The following ASAP2 variants were observed in gnomAD, a reference collection of about 807,000 sequenced individuals.
ASAP2 encodes ArfGAP with SH3 domain, ankyrin repeat and PH domain 2.
A neutral mutation model predicts 131.4 loss-of-function variants in ASAP2; 45 were observed. The observed-to-expected ratio is 0.34, with a 90% CI of 0.27 to 0.44. The LOEUF is 0.44. ASAP2 is among the 20% of genes least tolerant of loss of function. ASAP2 has a pLI of 1.00. For missense variants in ASAP2, 1,011 were observed against 1,297.0 expected (o/e 0.78, Z 3.39); for synonymous variants, 510 against 503.0 (o/e 1.01, Z -0.19).
intron 15 of ASAP2, among the ~76,000 whole-genome samples, chr2:9,362,210 G>A (rs1352518856): frequency 6.6e-6 from 1 of 152,050 alleles, no homozygotes. Flanking sequence ...GCAGGGCCTC[G>A]GCTGACTTGC....
At chr2:9,225,444 C>A (rs1662691835) in intron 1 of ASAP2, among the ~76,000 whole-genome samples, 1 of 152,104 alleles carries the variant, frequency 6.6e-6, no homozygotes, top group Non-Finnish European at 1.5e-5. Flanking sequence ...CCTTTTCTTC[C>A]CCAGGAAATG....
chr2:9,275,023 C>G (rs1172930047), intron 1 of ASAP2, among the ~76,000 whole-genome samples: 1 of 150,694 alleles, frequency 6.6e-6, no homozygotes, highest in Non-Finnish European at 1.5e-5. Context: ...CTGTGAGCAG[C>G]CTTTTACATT....
chr2:9,275,484 G>A (rs1666702284), intron 1 of ASAP2, among the ~76,000 whole-genome samples: 1 of 152,238 alleles, frequency 6.6e-6, no homozygotes, highest in African/African-American at 2.4e-5. Context: ...GAGAGAGACA[G>A]CACAGATCTC....
intron 1 of ASAP2, among the ~76,000 whole-genome samples, chr2:9,276,630 C>T (rs1198722487): frequency 6.6e-6 from 1 of 152,026 alleles, no homozygotes; most frequent in Non-Finnish European, 1.5e-5. Flanking sequence ...CTCCACCTCC[C>T]AGGTTCAAGC....
intron 3 of ASAP2, among the ~76,000 whole-genome samples, chr2:9,299,685 C>T (rs1013218896): frequency 9.9e-5 from 15 of 152,178 alleles, no homozygotes; most frequent in African/African-American, 3.4e-4. Context: ...ACGTAGGAGA[C>T]GGGTGGAGGC....
At chr2:9,353,212 C>T (rs952355672) in intron 12 of ASAP2, among the ~76,000 whole-genome samples, 2 of 151,864 alleles carry the variant, frequency 1.3e-5, no homozygotes, top group African/African-American at 2.4e-5. Context: ...CCTCTACTTC[C>T]TCACCAGCCT....
Position 9,206,952 on chromosome 2 carries a change from GCCCCGCGCGGCTCC to G in ASAP2, c.-151_-138del. The G allele has an allele frequency of 1.5e-6, 1 of 683,754 alleles. No individual in the cohort carries two copies. The highest frequency in any genetic ancestry group is 1.8e-6 in the Non-Finnish European group (1 of 556,608). The allele number at this position is 683,754 out of a possible 1,614,324, so 42.4% of individuals were successfully genotyped here. On this transcript the variant is annotated 5_prime_UTR_variant, in exon 1 of 28. Coordinates refer to ENST00000281419, the MANE Select transcript of ASAP2 (RefSeq NM_003887.3). The surrounding 1 kb of genome is among the most constrained non-coding windows in gnomAD (Gnocchi z 4.0). ...CGCGCCGCCCCTGCTCCGCCGCCAG[GCCCCGCGCGGCTCC>G]CGCGCCCGGCGCTCCCCTTTGTCCG...
Position 9,403,337 on chromosome 2 carries a change from G to A in ASAP2, c.*10G>A. 1 of 1,612,892 alleles carries A rather than the reference G, an allele frequency of 6.2e-7. No individual in the cohort carries two copies. The highest frequency in any genetic ancestry group is 1.3e-5 in the African/African-American group (1 of 74,998). On this transcript the variant is annotated 3_prime_UTR_variant, in exon 28 of 28. Transcript: ENST00000281419. ...CTTTATCGCTGACTGAATTGCTACT[G>A]AACAAAAGCATTAACAGTTATGTTC...
chr2:9,340,210 A>G (rs13386896), intron 9 of ASAP2, among the ~76,000 whole-genome samples: 12,714 of 152,154 alleles, frequency 0.084, 541 homozygotes, highest in African/African-American at 0.1. Flanking sequence ...TTTAGTAGAG[A>G]CGGGGTTTCA....
At chr2:9,292,979 C>G (rs1230986728) in intron 2 of ASAP2, among the ~76,000 whole-genome samples, 1 of 152,248 alleles carries the variant, frequency 6.6e-6, no homozygotes, top group Non-Finnish European at 1.5e-5. Flanking sequence ...CTGTCAAGAG[C>G]CGTATCTACA....
intron 1 of ASAP2, among the ~76,000 whole-genome samples, chr2:9,259,809 G>A (rs1665449738): frequency 6.6e-6 from 1 of 152,212 alleles, no homozygotes; most frequent in Non-Finnish European, 1.5e-5. Flanking sequence ...GCACATCTGG[G>A]GCCAGGGATG....
intron 9 of ASAP2, among the ~76,000 whole-genome samples, chr2:9,339,871 A>C (rs1320182758): frequency 6.6e-6 from 1 of 152,006 alleles, no homozygotes; most frequent in African/African-American, 2.4e-5. Context: ...CACATTCCAC[A>C]TTCACTCTAG....
chr2:9,305,494 G>C (rs79588973), intron 3 of ASAP2, among the ~76,000 whole-genome samples: 13 of 102,726 alleles, frequency 1.3e-4, no homozygotes, highest in African/African-American at 1.1e-4. Flanking sequence ...TATTGGTGGA[G>C]AGGCTGTAGT....
Position 9,393,652 on chromosome 2 carries a change from G to T in ASAP2, c.2684+5G>T. 6.4e-7 allele frequency: 1 copy of T among 1,558,496 alleles called. No homozygotes were observed. The highest frequency in any genetic ancestry group is 1.2e-5 in the South Asian group (1 of 85,570). Reference sequence around the variant, plus strand: ...GCAGAAGAAGCCTGCGCCGGGGTAAGCCACCCCCAGCCAGCTCGGCCATCC... The same window carrying T: ...GCAGAAGAAGCCTGCGCCGGGGTAATCCACCCCCAGCCAGCTCGGCCATCC... On this transcript the variant is annotated splice_donor_5th_base_variant and intron_variant, in intron 24 of 27. Transcript: ENST00000281419.
Position 9,350,876 on chromosome 2 carries a change from G to A in ASAP2, c.1092G>A (p.Lys364=). Residue 364 remains lysine, a synonymous_variant, in exon 12 of 28, where the codon AAG becomes AAA. Transcript: ENST00000281419. ...CQVKTNPEEK[K]CFDLISHDRT... ...TGAAGACCAACCCTGAGGAGAAGAAGTGCTTTGACCTCATTTCACGTAAGG... is the reference window on the plus strand; with the variant it reads ...TGAAGACCAACCCTGAGGAGAAGAAATGCTTTGACCTCATTTCACGTAAGG... The A allele has an allele frequency of 6.2e-7, 1 of 1,612,934 alleles. No homozygotes were observed. Among genetic ancestry groups the A allele is most frequent in the Non-Finnish European group, 8.5e-7 (1 of 1,179,232 alleles).
chr2:9,259,863 C>T (rs1019639322), intron 1 of ASAP2, among the ~76,000 whole-genome samples: 1 of 152,262 alleles, frequency 6.6e-6, no homozygotes, highest in African/African-American at 2.4e-5. Flanking sequence ...AGCTCCCTTG[C>T]ACCCTGATGA....
At chr2:9,249,953 A>ACATGC (rs1286985943) in intron 1 of ASAP2, among the ~76,000 whole-genome samples, 1 of 152,244 alleles carries the variant, frequency 6.6e-6, no homozygotes, top group African/African-American at 2.4e-5. Flanking sequence ...TCAAAAGGCT[A>ACATGC]CATGCCATGT....
chr2:9,383,339 C>T (rs1046588367), intron 20 of ASAP2, among the ~76,000 whole-genome samples: 1 of 152,078 alleles, frequency 6.6e-6, no homozygotes, highest in Non-Finnish European at 1.5e-5. Context: ...TGGACAGCCT[C>T]AAACTCCTGA....
Position 9,273,227 on chromosome 2 carries a change from C to T in ASAP2, c.127-6090C>T, listed in dbSNP as rs1666529109. ...TGGTGTCCTCTTCAATTTCTTACAT[C>T]ATCGTTTTATAGTTTTCGCTGTAGA... On this transcript the variant is annotated intron_variant, in intron 1 of 27. Coordinates refer to ENST00000281419, the MANE Select transcript of ASAP2 (RefSeq NM_003887.3). Among the ~76,000 whole-genome samples, 9 of 152,190 alleles carry T rather than the reference C, an allele frequency of 5.9e-5. No individual in the cohort carries two copies. In the South Asian group the frequency reaches 1.9e-3, roughly 32 times the overall value.
Sources: gnomAD v4.1 joint callset for allele counts (sites outside exome capture counted in the v4.1 genomes callset) on GRCh38, gnomAD v4.1.1 for gene constraint, Gnocchi (gnomAD v3.1) non-coding constraint, MANE v1.5 for transcripts, NCBI Gene and HGNC (gene_info 2026-07-23, HGNC 2026-07-21) for gene names.